Variants in ACACB observed in about 807,000 individuals in gnomAD.
ACACB encodes acetyl-CoA carboxylase 2.
In ACACB, 209 loss-of-function variants were observed where a neutral mutation model predicts 278.8. The ratio of observed to expected loss-of-function variants is 0.75; its 90% CI spans 0.67 to 0.84. The LOEUF (loss-of-function observed/expected upper bound fraction) is 0.84. Among genes scored for constraint, ACACB ranks in the 40% least tolerant of loss-of-function variants. The pLI, the probability that ACACB is intolerant of heterozygous loss-of-function variation, is 0.00. For missense variants in ACACB, 2,850 were observed against 3,269.0 expected, an observed-to-expected ratio of 0.87 and a Z score of 3.13; for synonymous variants, 1,174 against 1,285.6, an observed-to-expected ratio of 0.91 and a Z score of 1.86.
rs2045699302 is a variant in ACACB, at chr12:109,210,141, ATGT to A, written c.3249+789_3249+791del. On this transcript the variant is annotated intron_variant, in intron 21 of 52. Transcript: ENST00000338432. ...TACACGTACATGTATGTGTGTATAT[ATGT>A]ATATATACACACGTGTGTATATGTA... is the stretch of plus-strand genomic sequence containing the variant. Among the ~76,000 whole-genome samples the A allele has an allele frequency of 4.1e-5, 2 of 48,996 alleles. 1 individual carries two copies. The highest frequency in any genetic ancestry group is 8.1e-5 in the Non-Finnish European group (2 of 24,614). 32.1% of individuals were successfully genotyped at this position (48,996 alleles called of 152,430 possible).
intron 2 of ACACB, among the ~76,000 whole-genome samples, chr12:109,141,768 G>A (rs1164632468): frequency 2.0e-5 from 3 of 152,224 alleles, no homozygotes; most frequent in Non-Finnish European, 4.4e-5. Context: ...CAGGGGAAGA[G>A]TGTTTGAGTT....
rs778196187 is a variant in ACACB at position 109,258,281 on chromosome 12, C to T, written c.6277C>T (p.Pro2093Ser). ...VTGRARLGGI[P>S]VGVIAVETRT... ...CTCATTTTCCAGGCTTGGGGGGATT[C>T]CCGTGGGAGTGATTGCTGTGGAGAC... The change falls in exon 46 of 53, where the codon CCC (proline) becomes TCC (serine). Residue 2093 changes from proline to serine, a missense_variant. Physicochemically the swap from Pro to Ser is moderately conservative, Grantham distance 74 (BLOSUM62 -1). Coordinates refer to ENST00000338432, the MANE Select transcript of ACACB (RefSeq NM_001093.4). 10 of 1,612,164 alleles carry T rather than the reference C, an allele frequency of 6.2e-6. No individual in the cohort carries two copies. Among genetic ancestry groups the T allele is most frequent in the African/African-American group, 4.0e-5 (3 of 74,916 alleles).
upstream of ACACB, among the ~76,000 whole-genome samples, chr12:109,113,699 G>A (rs998167420): frequency 1.3e-5 from 2 of 152,110 alleles, no homozygotes; most frequent in Non-Finnish European, 2.9e-5. Context: ...AAAAGTCTTC[G>A]CAAGTATGTT....
At chr12:109,144,668 T>C (rs759926409) in intron 2 of ACACB, among the ~76,000 whole-genome samples, 6 of 151,892 alleles carry the variant, frequency 4.0e-5, no homozygotes, top group Non-Finnish European at 5.9e-5. Flanking sequence ...CTTGGCTTTA[T>C]AGGCAGAACA....
intron 24 of ACACB, among the ~76,000 whole-genome samples, chr12:109,217,774 TG>T (rs1372317123): frequency 6.6e-6 from 1 of 152,132 alleles, no homozygotes; most frequent in African/African-American, 2.4e-5. Flanking sequence ...CACTCCAGCC[TG>T]GGTGACAGAA....
chr12:109,247,522 T>C, intron 39 of ACACB, 84 bp from the exon 40 acceptor site: 2 of 913,256 alleles, frequency 2.2e-6, no homozygotes, highest in Non-Finnish European at 3.6e-6. Context: ...CATCCATCCC[T>C]ACGATGTTCA....
upstream of ACACB, among the ~76,000 whole-genome samples, chr12:109,113,933 GT>G (rs2042355504): frequency 6.6e-6 from 1 of 152,174 alleles, no homozygotes; most frequent in Non-Finnish European, 1.5e-5. Context: ...TGTAATTTGG[GT>G]CTGACAACAG....
At chr12:109,188,423 G>T (rs73191118) in intron 13 of ACACB, among the ~76,000 whole-genome samples, 40,902 of 109,224 alleles carry the variant, frequency 0.37, 7,156 homozygotes, top group East Asian at 0.53. Context: ...CCTTCCTCCC[G>T]TCCTTCCTCC....
At chr12:109,158,166 T>C (rs1274330654) in intron 2 of ACACB, among the ~76,000 whole-genome samples, 1 of 152,160 alleles carries the variant, frequency 6.6e-6, no homozygotes, top group Non-Finnish European at 1.5e-5. Context: ...ACTGCTATTA[T>C]AAACGGCCAG....
intron 21 of ACACB, among the ~76,000 whole-genome samples, chr12:109,210,445 GTGTATATATGTATATATA>G (rs2045787914): frequency 8.4e-6 from 1 of 118,408 alleles, no homozygotes; most frequent in Non-Finnish European, 1.7e-5. Context: ...GCACATACAT[GTGTATATATGTATATATA>G]CGCACATACA....
intron 2 of ACACB, among the ~76,000 whole-genome samples, chr12:109,151,774 A>T (rs1218211618): frequency 6.6e-6 from 1 of 152,218 alleles, no homozygotes; most frequent in Non-Finnish European, 1.5e-5. Flanking sequence ...TTAATGCATG[A>T]GACAGCAACT....
intron 4 of ACACB, among the ~76,000 whole-genome samples, chr12:109,170,688 AGATTC>A (rs2044082064): frequency 6.6e-6 from 1 of 152,232 alleles, no homozygotes; most frequent in Admixed American, 6.5e-5. Flanking sequence ...ATAGAGCTTC[AGATTC>A]ATAAAATGAA....
chr12:109,193,568 T>C, intron 15 of ACACB, 80 bp from the exon 16 acceptor site: 1 of 1,220,396 alleles, frequency 8.2e-7, no homozygotes, highest in Non-Finnish European at 1.2e-6. Context: ...GAGAGTTGCG[T>C]AATTTTTTTA....
intron 2 of ACACB, among the ~76,000 whole-genome samples, chr12:109,141,184 C>A (rs2043114384): frequency 6.6e-6 from 1 of 150,514 alleles, no homozygotes; most frequent in South Asian, 2.2e-4. Context: ...GCATGAGCCA[C>A]CACACCCAGC....
chr12:109,169,495 C>CA (rs1476717447), intron 4 of ACACB, among the ~76,000 whole-genome samples: 5 of 152,156 alleles, frequency 3.3e-5, no homozygotes, highest in Non-Finnish European at 5.9e-5. Flanking sequence ...AATTGTCACC[C>CA]AGGCCTATTA....
chr12:109,209,087 G>A, intron 20 of ACACB, 78 bp from the exon 21 acceptor site: 1 of 1,472,060 alleles, frequency 6.8e-7, no homozygotes, highest in Admixed American at 2.0e-5. Context: ...GGGTTGAGCT[G>A]TGTTGGGTGC....
intron 21 of ACACB, among the ~76,000 whole-genome samples, chr12:109,212,385 T>C (rs2045874410): frequency 1.3e-5 from 2 of 152,128 alleles, no homozygotes; most frequent in South Asian, 4.1e-4. Flanking sequence ...ATGATTACAT[T>C]GTAATATATA....
intron 1 of ACACB, among the ~76,000 whole-genome samples, chr12:109,118,775 T>G (rs578191713): frequency 6.6e-6 from 1 of 152,158 alleles, no homozygotes; most frequent in Non-Finnish European, 1.5e-5. Context: ...TACTTCAAAG[T>G]AGAGTTCACC....
At chr12:109,261,199 C>T (rs1432374643) in intron 48 of ACACB, among the ~76,000 whole-genome samples, 1 of 152,230 alleles carries the variant, frequency 6.6e-6, no homozygotes, top group Non-Finnish European at 1.5e-5. Flanking sequence ...CTACATGCTA[C>T]ACAGGATGTC....
Sources: allele counts gnomAD v4.1 joint callset (sites outside exome capture counted in the v4.1 genomes callset), GRCh38; gene constraint gnomAD v4.1.1; transcripts MANE v1.5; gene names NCBI Gene and HGNC (gene_info 2026-07-23, HGNC 2026-07-21).